The following PTPRD variants were observed in gnomAD, a reference collection of about 807,000 sequenced individuals.
PTPRD encodes the protein protein tyrosine phosphatase receptor type D, also known as receptor-type tyrosine-protein phosphatase delta.
PTPRD carries 34 observed loss-of-function variants against 214.5 expected under a neutral mutation model. The ratio of observed to expected loss-of-function variants is 0.16; its 90% confidence interval spans 0.12 to 0.21. The LOEUF is 0.21. Ranked by LOEUF, PTPRD falls within the 10% of genes least tolerant of loss-of-function variation. The pLI is 1.00. For synonymous variants in PTPRD, 1,128 were observed against 845.7 expected, an observed-to-expected ratio of 1.33 and a Z score of -5.79; for missense variants, 2,545 against 2,398.7, an observed-to-expected ratio of 1.06 and a Z score of -1.27.
At chr9:10,505,158 C>G (rs979169702) in intron 2 of PTPRD, among the ~76,000 whole-genome samples, 1 of 152,148 alleles carries the variant, frequency 6.6e-6, no homozygotes, top group Non-Finnish European at 1.5e-5. Context: ...CAAGGATATA[C>G]ATGTCCTCCA....
intron 12 of PTPRD, among the ~76,000 whole-genome samples, chr9:8,709,234 G>T (rs993102770): frequency 1.3e-5 from 2 of 152,022 alleles, no homozygotes; most frequent in African/African-American, 4.8e-5. Context: ...GCTAACAGAG[G>T]CCAGGCGCAG....
At chr9:8,971,029 C>T (rs2099235123) in intron 11 of PTPRD, among the ~76,000 whole-genome samples, 2 of 151,710 alleles carry the variant, frequency 1.3e-5, no homozygotes, top group South Asian at 2.1e-4. Flanking sequence ...CATAGAAATT[C>T]AGGATATCAA....
rs564637134 is a variant in PTPRD at position 9,083,439 on chromosome 9, C to G, written c.-142-64704G>C. Among the ~76,000 whole-genome samples, 133 of 152,258 alleles carry G rather than the reference C, an allele frequency of 8.7e-4. 1 individual carries two copies. The highest frequency in any genetic ancestry group is 3.2e-3 in the African/African-American group (131 of 41,564). On this transcript the variant is annotated intron_variant, in intron 10 of 45. Coordinates refer to ENST00000381196, the MANE Select transcript of PTPRD (RefSeq NM_002839.4). ...AAAGACTTCAATGTAAGACCCCATA[C>G]TATAAATCTCCTAGAAGAAAACCTA... is the stretch of plus-strand genomic sequence containing the variant.
chr9:10,600,538 GGCTAAGTAA>G (rs1207882911), intron 2 of PTPRD, among the ~76,000 whole-genome samples: 2 of 151,752 alleles, frequency 1.3e-5, no homozygotes, highest in Admixed American at 1.3e-4. Context: ...ACAGAGGCCA[GGCTAAGTAA>G]GAAACTCACA....
At chr9:9,167,141 A>G (rs1345542795) in intron 10 of PTPRD, among the ~76,000 whole-genome samples, 3 of 152,072 alleles carry the variant, frequency 2.0e-5, no homozygotes, top group Non-Finnish European at 2.9e-5. Flanking sequence ...AATCAGAACT[A>G]TGTCTCCTCA....
chr9:10,398,963 A>T (rs191442658), intron 2 of PTPRD, among the ~76,000 whole-genome samples: 1 of 152,094 alleles, frequency 6.6e-6, no homozygotes, highest in East Asian at 2.0e-4. Context: ...TATCTCCAAC[A>T]TGGGAATCTC....
intron 9 of PTPRD, among the ~76,000 whole-genome samples, chr9:9,235,138 C>T (rs957770533): frequency 5.9e-5 from 9 of 152,030 alleles, no homozygotes; most frequent in African/African-American, 1.4e-4. Flanking sequence ...CTCAGGGTGG[C>T]GGGAGACAGA....
At chr9:8,973,776 A>G (rs1232033873) in intron 11 of PTPRD, among the ~76,000 whole-genome samples, 1 of 152,080 alleles carries the variant, frequency 6.6e-6, no homozygotes, top group Non-Finnish European at 1.5e-5. Context: ...GTGAAATGGC[A>G]TCTCATTGTG....
At chr9:9,786,009 C>A (rs982510319) in intron 5 of PTPRD, among the ~76,000 whole-genome samples, 1 of 152,142 alleles carries the variant, frequency 6.6e-6, no homozygotes, top group Non-Finnish European at 1.5e-5. Flanking sequence ...TATTCACTAT[C>A]CTGGTTTTTT....
At chr9:8,759,184 C>T (rs2094236895) in intron 11 of PTPRD, among the ~76,000 whole-genome samples, 1 of 152,060 alleles carries the variant, frequency 6.6e-6, no homozygotes, top group South Asian at 2.1e-4. Flanking sequence ...ACACGTACCA[C>T]CTTACTTTTT....
chr9:9,458,894 T>A (rs2093359958), intron 8 of PTPRD, among the ~76,000 whole-genome samples: 1 of 151,956 alleles, frequency 6.6e-6, no homozygotes, highest in African/African-American at 2.4e-5. Context: ...GATGTAAGAT[T>A]GCACCACCGC....
chr9:8,488,470 G>T (rs1313665943), intron 27 of PTPRD, among the ~76,000 whole-genome samples: 2 of 152,138 alleles, frequency 1.3e-5, no homozygotes, highest in African/African-American at 2.4e-5. Context: ...TAAAACATGT[G>T]TGTTGTGTTG....
At chr9:9,734,339 G>C (rs554948675) in intron 7 of PTPRD, among the ~76,000 whole-genome samples, 194 bp downstream of exon 7, 11 of 152,172 alleles carry the variant, frequency 7.2e-5, no homozygotes, top group African/African-American at 2.4e-4. Flanking sequence ...GAAGTATCTG[G>C]ACTTATCATA....
chr9:9,119,570 C>T (rs1166160351), intron 10 of PTPRD, among the ~76,000 whole-genome samples: 2 of 151,554 alleles, frequency 1.3e-5, no homozygotes, highest in Non-Finnish European at 2.9e-5. Context: ...CAGTCTGTAG[C>T]CCAAGCTGGA....
intron 2 of PTPRD, among the ~76,000 whole-genome samples, chr9:10,432,218 T>C (rs1464650903): frequency 7.2e-6 from 1 of 139,492 alleles, no homozygotes; most frequent in African/African-American, 2.7e-5. Context: ...TTCTCACTCA[T>C]AGGCGGGAAT....
intron 35 of PTPRD, among the ~76,000 whole-genome samples, chr9:8,416,979 C>G (rs896304405): frequency 2.6e-5 from 4 of 151,918 alleles, no homozygotes; most frequent in Non-Finnish European, 5.9e-5. Flanking sequence ...GAGCTCTTAA[C>G]TACTACACTC....
At chr9:9,602,328 T>A (rs1453107148) in intron 7 of PTPRD, among the ~76,000 whole-genome samples, 2 of 152,066 alleles carry the variant, frequency 1.3e-5, no homozygotes, top group Non-Finnish European at 2.9e-5. Flanking sequence ...TTGGAAATAT[T>A]TAATATAATA....
intron 11 of PTPRD, among the ~76,000 whole-genome samples, chr9:8,881,337 A>G (rs1316136616): frequency 6.6e-6 from 1 of 152,216 alleles, no homozygotes; most frequent in Non-Finnish European, 1.5e-5. Context: ...GAAGTTTTCC[A>G]TGAATATTTT....
intron 14 of PTPRD, among the ~76,000 whole-genome samples, chr9:8,558,073 T>C (rs2084692316): frequency 6.6e-6 from 1 of 152,136 alleles, no homozygotes; most frequent in South Asian, 2.1e-4. Flanking sequence ...CTTTTCCCGA[T>C]ATAGAAATAA....
Sources: allele counts gnomAD v4.1 joint callset (sites outside exome capture counted in the v4.1 genomes callset), GRCh38; gene constraint gnomAD v4.1.1; transcripts MANE v1.5; gene names NCBI Gene and HGNC (gene_info 2026-07-23, HGNC 2026-07-21).